Variants in DPP10 observed in about 807,000 individuals in gnomAD.
DPP10 encodes the protein dipeptidyl peptidase like 10, also known as inactive dipeptidyl peptidase 10.
In DPP10, 33 loss-of-function variants were observed where a neutral mutation model predicts 120.9. That is an observed-to-expected ratio of 0.27 (90% confidence interval 0.21 to 0.37). The LOEUF is 0.37. DPP10 is among the 10% of genes least tolerant of loss of function. The pLI is 1.00. For synonymous variants in DPP10, 337 were observed against 326.1 expected (o/e 1.03, Z -0.36); for missense variants, 816 against 942.8 (o/e 0.87, Z 1.76).
At chr2:114,590,018 G>A (rs1174890918) in intron 1 of DPP10, among the ~76,000 whole-genome samples, 3 of 151,882 alleles carry the variant, frequency 2.0e-5, no homozygotes, top group Non-Finnish European at 2.9e-5. Flanking sequence ...TCTTGTGAAA[G>A]ACACATACCA....
At chr2:115,202,141 G>A (rs2055778883) in intron 1 of DPP10, among the ~76,000 whole-genome samples, 1 of 151,804 alleles carries the variant, frequency 6.6e-6, no homozygotes, top group Non-Finnish European at 1.5e-5. Context: ...GTTTTCCATG[G>A]TGGTCTTGAA....
chr2:114,514,769 G>GTT (rs770243737), intron 1 of DPP10, among the ~76,000 whole-genome samples: 9 of 140,912 alleles, frequency 6.4e-5, no homozygotes, highest in East Asian at 2.1e-4. Context: ...TTTTTTTTCT[G>GTT]GTTTTTTTTT....
At chr2:115,821,586 G>A (rs1687820414) in intron 21 of DPP10, among the ~76,000 whole-genome samples, 1 of 151,836 alleles carries the variant, frequency 6.6e-6, no homozygotes, top group South Asian at 2.1e-4. Flanking sequence ...TCTAATTACT[G>A]ATAAATTTAA....
intron 24 of DPP10, among the ~76,000 whole-genome samples, chr2:115,839,409 C>T (rs1689853083): frequency 2.6e-5 from 4 of 152,116 alleles, no homozygotes; most frequent in South Asian, 2.1e-4. Context: ...GGCGCGGTGG[C>T]TCACACCTGT....
chr2:115,791,038 T>G, intron 17 of DPP10, 43 bp from the exon 18 acceptor site: 2 of 1,407,632 alleles, frequency 1.4e-6, no homozygotes, highest in Non-Finnish European at 2.0e-6. Context: ...TTCTGTTTAA[T>G]GCATAGGGGT....
intron 2 of DPP10, among the ~76,000 whole-genome samples, chr2:115,324,235 C>T (rs1425084728): frequency 3.9e-5 from 6 of 152,098 alleles, no homozygotes; most frequent in Admixed American, 3.9e-4. Context: ...GAGATCGCAC[C>T]ATTACACTCC....
chr2:115,673,643 C>T (rs764544741), intron 5 of DPP10, among the ~76,000 whole-genome samples: 8 of 152,076 alleles, frequency 5.3e-5, no homozygotes, highest in South Asian at 2.1e-4. Flanking sequence ...CTAAACTGTT[C>T]GGTATGTAAT....
chr2:115,724,048 A>G (rs2092710340), intron 7 of DPP10, among the ~76,000 whole-genome samples: 1 of 152,088 alleles, frequency 6.6e-6, no homozygotes, highest in South Asian at 2.1e-4. Context: ...TGTATCTTTT[A>G]TTTTGTGTTT....
At chr2:115,065,765 T>C (rs1047939147) in intron 1 of DPP10, among the ~76,000 whole-genome samples, 1 of 149,760 alleles carries the variant, frequency 6.7e-6, no homozygotes. Flanking sequence ...TAAAATTGTA[T>C]AGTCAATCTA....
chr2:115,462,258 G>A (rs1328165789), intron 3 of DPP10, among the ~76,000 whole-genome samples: 3 of 152,060 alleles, frequency 2.0e-5, no homozygotes. Context: ...AGTCCCATCA[G>A]TCCACCTCCT....
At chr2:115,584,817 A>C (rs2082193616) in intron 5 of DPP10, among the ~76,000 whole-genome samples, 2 of 152,160 alleles carry the variant, frequency 1.3e-5, no homozygotes, top group South Asian at 4.1e-4. Flanking sequence ...AACAAAAGTG[A>C]TGGGTGTCAT....
rs58468918 is a variant in DPP10, at chr2:115,631,037, C to CTTT, written c.442-58628_442-58626dup. On this transcript the variant is annotated intron_variant, in intron 5 of 25. Coordinates refer to ENST00000410059, the MANE Select transcript of DPP10 (RefSeq NM_020868.6). ...AGCTGTAAATACATCTGATCCTGGGCTTTTTTTTTTTTTTTTTTTTTTTTG... is the reference window on the plus strand; with the variant it reads ...AGCTGTAAATACATCTGATCCTGGGCTTTTTTTTTTTTTTTTTTTTTTTTTTTG... Among the ~76,000 whole-genome samples the CTTT allele has an allele frequency of 2.0e-3, 224 of 111,264 alleles. 1 individual carries two copies. Among genetic ancestry groups the CTTT allele is most frequent in the African/African-American group, 7.1e-3 (154 of 21,704 alleles). The allele number at this position is 111,264 out of a possible 152,430, so 73.0% of individuals were successfully genotyped here.
chr2:115,257,134 G>A (rs1341625489), intron 1 of DPP10, among the ~76,000 whole-genome samples: 1 of 152,142 alleles, frequency 6.6e-6, no homozygotes, highest in Non-Finnish European at 1.5e-5. Context: ...CAGTCTCTAA[G>A]AAGTTCTAAA....
At chr2:114,987,877 C>T (rs866984883) in intron 1 of DPP10, among the ~76,000 whole-genome samples, 97 of 137,980 alleles carry the variant, frequency 7.0e-4, no homozygotes, top group African/African-American at 2.5e-3. Flanking sequence ...GATCTCGGCT[C>T]ACTGCAAGCT....
In DPP10 at chr2:115,508,132, A is replaced by G. The variant is rs562398196; in HGVS notation, c.366+8528A>G. ...ATGCATGTTTTCTGTGTATAACAGT[A>G]TAACAGAGGAATTTTTAGAAGCCTG... On this transcript the variant is annotated intron_variant, in intron 4 of 25. Coordinates refer to ENST00000410059, the MANE Select transcript of DPP10 (RefSeq NM_020868.6). Among the ~76,000 whole-genome samples the G allele has an allele frequency of 9.2e-5, 14 of 152,328 alleles. No homozygotes were observed. The South Asian group carries it at 2.9e-3, about 32-fold the overall frequency.
At position 115,659,589 on chromosome 2, in the gene DPP10, CTT is replaced by C. The variant is rs2088722505; in HGVS notation, c.442-30095_442-30094del. Among the ~76,000 whole-genome samples, 4 of 152,114 alleles carry C rather than the reference CTT, an allele frequency of 2.6e-5. No individual in the cohort carries two copies. The South Asian group carries it at 8.3e-4, about 31-fold the overall frequency. ...AAATCAGTGATTTAATTTAGCTACT[CTT>C]TTCCAAATGACTATGAATTTGATAC... On this transcript the variant is annotated intron_variant, in intron 5 of 25. Transcript: ENST00000410059.
At chr2:115,021,139 A>G (rs1703042420) in intron 1 of DPP10, among the ~76,000 whole-genome samples, 1 of 151,234 alleles carries the variant, frequency 6.6e-6, no homozygotes, top group Admixed American at 6.6e-5. Flanking sequence ...ACAAACCCAA[A>G]CCCAACAGTA....
intron 8 of DPP10, among the ~76,000 whole-genome samples, chr2:115,733,783 C>A (rs1320373355): frequency 6.6e-6 from 1 of 152,128 alleles, no homozygotes; most frequent in African/African-American, 2.4e-5. Flanking sequence ...TTTTTAAGTG[C>A]CTGTGATATA....
chr2:115,189,136 T>G (rs115990451), intron 1 of DPP10, among the ~76,000 whole-genome samples: 1 of 152,338 alleles, frequency 6.6e-6, no homozygotes, highest in African/African-American at 2.4e-5. Flanking sequence ...TAGAAGGGTG[T>G]GACTTGCAGA....
Sources: allele counts gnomAD v4.1 joint callset (sites outside exome capture counted in the v4.1 genomes callset), GRCh38; gene constraint gnomAD v4.1.1; transcripts MANE v1.5; gene names NCBI Gene and HGNC (gene_info 2026-07-23, HGNC 2026-07-21).